Variants in CAD observed in about 807,000 individuals in gnomAD.
The protein encoded by CAD is carbamoyl-phosphate synthetase 2, aspartate transcarbamylase, and dihydroorotase.
Under a neutral mutation model 237.2 loss-of-function variants are expected in CAD, and 81 were observed. That is an observed-to-expected ratio of 0.34 (90% CI 0.29 to 0.41). CAD has a LOEUF of 0.41. Ranked by LOEUF, CAD falls within the 10% of genes least tolerant of loss-of-function variation. CAD has a pLI of 1.00. For synonymous variants in CAD, 1,196 were observed against 1,162.8 expected, an observed-to-expected ratio of 1.03 and a Z score of -0.58; for missense variants, 2,181 against 2,951.7, an observed-to-expected ratio of 0.74 and a Z score of 6.05.
intron 15 of CAD, among the ~76,000 whole-genome samples, chr2:27,231,191 A>G (rs1675734085): frequency 6.6e-6 from 1 of 152,180 alleles, no homozygotes; most frequent in Admixed American, 6.5e-5. Context: ...TATTTTTAGT[A>G]GAGACGGGGT....
At position 27,237,262 on chromosome 2, in the gene CAD, G is replaced by C; in HGVS notation, c.4397-117G>C. Reference sequence around the variant, plus strand: ...TGGTCTCGAACTCCTGATCTCAGGTGATCTGCCCACCTCGGCCTCCCAAAG... The same window carrying C: ...TGGTCTCGAACTCCTGATCTCAGGTCATCTGCCCACCTCGGCCTCCCAAAG... On this transcript the variant is annotated intron_variant, in intron 27 of 43. Coordinates refer to ENST00000264705, the MANE Select transcript of CAD (RefSeq NM_004341.5). The surrounding 1 kb of genome is among the most constrained non-coding windows in gnomAD (Gnocchi z 4.0). 1 of 1,042,662 alleles carries C rather than the reference G, an allele frequency of 9.6e-7. No individual in the cohort carries two copies. The highest frequency in any genetic ancestry group is 1.8e-5 in the Admixed American group (1 of 54,098). 64.6% of individuals were successfully genotyped at this position (1,042,662 alleles called of 1,614,324 possible). A position where few individuals can be genotyped will look rare whatever the true frequency, so the allele number is the denominator to read the frequency against.
Position 27,243,181 on chromosome 2 carries a change from C to T in CAD, c.6481-17C>T. ...TCCTACCCCAAGGCACTAATGGGGA[C>T]CCCATCTGCTTTGCAGTGCTTTGGT... On this transcript the variant is annotated splice_polypyrimidine_tract_variant and intron_variant, in intron 42 of 43. Transcript: ENST00000264705. 1 of 1,612,838 alleles carries T rather than the reference C, an allele frequency of 6.2e-7. No homozygotes were observed. Among genetic ancestry groups the T allele is most frequent in the Non-Finnish European group, 8.5e-7 (1 of 1,178,936 alleles).
chr2:27,239,077 C>A lies in CAD; in HGVS notation c.5098C>A (p.Pro1700Thr). ...HTLEEKCGSR[P>T]PPGFPGLETM... ...CTTGGAGGAGAAGTGTGGGTCCAGG[C>A]CCCCACCTGGGTTCCCAGGGTTAGA... Residue 1700 changes from proline to threonine, a missense_variant, in exon 32 of 44, where the codon CCC (proline) becomes ACC (threonine). Physicochemically the swap from Pro to Thr is conservative, Grantham distance 38. Around this residue, in one of 12 missense-constraint regions of CAD, gnomAD observed 478 missense variants for 515.0 expected, o/e 0.93. Transcript: ENST00000264705. This position sits in a 1 kb window ranked among gnomAD's most constrained non-coding sequence, Gnocchi z 4.0. 1 of 1,593,528 alleles carries A rather than the reference C, an allele frequency of 6.3e-7. No homozygotes were observed. The highest frequency in any genetic ancestry group is 1.1e-5 in the South Asian group (1 of 87,524).
intron 2 of CAD, among the ~76,000 whole-genome samples, chr2:27,220,656 C>CA (rs111297719): frequency 6.7e-3 from 849 of 127,032 alleles, no homozygotes; most frequent in Non-Finnish European, 8.0e-3. Context: ...GACCCTGTCT[C>CA]AAAAAAAAAA....
In CAD at chr2:27,235,253, G is replaced by T; in HGVS notation, c.3795G>T (p.Gln1265His). The change falls in exon 24 of 44, where the codon CAG becomes CAT. Residue 1265 changes from glutamine (Q) to histidine (H), a missense_variant. Coordinates refer to ENST00000264705, the MANE Select transcript of CAD (RefSeq NM_004341.5). This position sits in a 1 kb window ranked among gnomAD's most constrained non-coding sequence, Gnocchi z 5.2. ...CCCTCCCGCCCCTTTAGGTGCCTCA[G>T]TTCTCCTTCTCCCGCTTGGCGGGTG... Reference protein sequence around the residue: ...GSGVVGVKVPQFSFSRLAGAD... With the variant: ...GSGVVGVKVPHFSFSRLAGAD... The T allele has an allele frequency of 1.9e-6, 3 of 1,607,496 alleles. No homozygotes were observed. Among genetic ancestry groups the T allele is most frequent in the Non-Finnish European group, 2.5e-6 (3 of 1,176,756 alleles).
rs773802228 is a variant in CAD, at chr2:27,231,591, C to A, written c.2400+11C>A. The stretch of plus-strand genomic sequence containing the variant: ...CCAGTCAGCGATATGGTAAGTAGCT[C>A]CCCTCCCCTGGCAATACCCCTAAAA... On this transcript the variant is annotated intron_variant, in intron 16 of 43. Coordinates refer to ENST00000264705, the MANE Select transcript of CAD (RefSeq NM_004341.5). 3 of 1,546,702 alleles carry A rather than the reference C, an allele frequency of 1.9e-6. No homozygotes were observed. Among genetic ancestry groups the A allele is most frequent in the East Asian group, 2.2e-5 (1 of 44,564 alleles).
At chr2:27,223,059 A>C (rs200562416) in intron 6 of CAD, 22 bp downstream of exon 6, 529 of 1,611,932 alleles carry the variant, frequency 3.3e-4, no homozygotes, top group Non-Finnish European at 3.1e-4. Flanking sequence ...GGGGAGCAGA[A>C]GGGGCCCATA....
intron 11 of CAD, 56 bp downstream of exon 11, chr2:27,225,299 T>TTTTC: frequency 1.9e-5 from 18 of 970,932 alleles, no homozygotes; most frequent in Non-Finnish European, 2.7e-5. Context: ...GGTAGTGTTA[T>TTTTC]TTTCTTTTTT....
chr2:27,226,482 A>G (rs367868323), intron 13 of CAD, 43 bp from the exon 14 acceptor site: 174 of 1,609,864 alleles, frequency 1.1e-4, no homozygotes, highest in Non-Finnish European at 1.5e-4. Context: ...CCTCTCCTAG[A>G]CAGGGTCTTC....
rs942059036 is a variant in CAD, at chr2:27,223,653, GAC to G, written c.902_903del (p.Thr301ArgfsTer16). 5 of 1,614,140 alleles carry G rather than the reference GAC, an allele frequency of 3.1e-6. No individual in the cohort carries two copies. The highest frequency in any genetic ancestry group is 4.2e-6 in the Non-Finnish European group (5 of 1,180,020). ...CCCAGAACCATGGGTTTGCTGTGGA[GAC>G]AGACTCACTGCCAGCAGACTGGGCT... ...TSQNHGFAVETDSLPADWAPL... is the reference protein window; with the variant it reads ...TSQNHGFAVEXDSLPADWAPL... On this transcript the variant is annotated frameshift_variant, in exon 7 of 44. Coordinates refer to ENST00000264705, the MANE Select transcript of CAD (RefSeq NM_004341.5). LOFTEE classifies it high-confidence loss of function.
In CAD at chr2:27,235,602, C is replaced by G. The variant is rs756696756; in HGVS notation, c.4036C>G (p.Leu1346Val). Residue 1346 changes from leucine to valine, a missense_variant, in exon 25 of 44, where the codon CTC (leucine) becomes GTC (valine). This residue lies in a region of CAD where 306 missense variants were observed against 607.9 expected (regional missense o/e 0.50). Transcript: ENST00000264705. This position sits in a 1 kb window ranked among gnomAD's most constrained non-coding sequence, Gnocchi z 5.2. Reference sequence around the variant, plus strand: ...CCTGGGCTACAGCCTCTATGCCAGTCTCGGCACAGCTGACTTCTACACTGA... The same window carrying G: ...CCTGGGCTACAGCCTCTATGCCAGTGTCGGCACAGCTGACTTCTACACTGA... ...ESLGYSLYASLGTADFYTEHG... is the reference protein window; with the variant it reads ...ESLGYSLYASVGTADFYTEHG... 6.2e-7 allele frequency: 1 copy of G among 1,614,184 alleles called. No individual in the cohort carries two copies. Among genetic ancestry groups the G allele is most frequent in the Non-Finnish European group, 8.5e-7 (1 of 1,180,018 alleles).
chr2:27,229,258 A>G (rs1166254299), intron 15 of CAD, among the ~76,000 whole-genome samples: 2 of 151,838 alleles, frequency 1.3e-5, no homozygotes, highest in African/African-American at 4.8e-5. Flanking sequence ...ATCACAGCCT[A>G]ACTTATAATT....
In CAD at chr2:27,236,688, A is replaced by G; in HGVS notation, c.4315-61A>G. ...AGAGCCTGGTTTATGGGAAAACCACATCTCTCCCTACAACTCCCAGGATCA... is the reference window on the plus strand; with the variant it reads ...AGAGCCTGGTTTATGGGAAAACCACGTCTCTCCCTACAACTCCCAGGATCA... On this transcript the variant is annotated intron_variant, in intron 26 of 43. Transcript: ENST00000264705. The surrounding 1 kb of genome is among the most constrained non-coding windows in gnomAD (Gnocchi z 4.1). The G allele has an allele frequency of 6.4e-7, 1 of 1,571,816 alleles. No homozygotes were observed. Among genetic ancestry groups the G allele is most frequent in the Non-Finnish European group, 8.8e-7 (1 of 1,141,818 alleles).
chr2:27,238,285 C>A, intron 30 of CAD, 98 bp downstream of exon 30: 1 of 1,499,612 alleles, frequency 6.7e-7, no homozygotes, highest in South Asian at 1.2e-5. Context: ...GGAGGAGAGT[C>A]TGGAGACAGC....
chr2:27,240,183 C>T lies in CAD; in HGVS notation c.5497-82C>T. 2.6e-6 allele frequency: 3 copies of T among 1,140,230 alleles called. No homozygotes were observed. Among genetic ancestry groups the T allele is most frequent in the Non-Finnish European group, 3.9e-6 (3 of 774,282 alleles). The allele number at this position is 1,140,230 out of a possible 1,614,324, so 70.6% of individuals were successfully genotyped here. On this transcript the variant is annotated intron_variant, in intron 34 of 43. Transcript: ENST00000264705. The surrounding 1 kb of genome is among the most constrained non-coding windows in gnomAD (Gnocchi z 4.6). ...TTGAACCCAGAAGGTCACGCCACTG[C>T]ACTCCAGCCTGAGCGACAGAACGAG...
In CAD at chr2:27,238,553, G is replaced by T; in HGVS notation, c.4983G>T (p.Arg1661=). The change falls in exon 31 of 44, where the codon CGG becomes CGT. Residue 1661 remains arginine (R), a synonymous_variant. Coordinates refer to ENST00000264705, the MANE Select transcript of CAD (RefSeq NM_004341.5). The stretch of plus-strand genomic sequence containing the variant: ...TGGGGCCTGGGAAGGGGGAGGTCCG[G>T]CCTGAGCTTGGCTCCCGCCAGGATG... ...ERLGPGKGEV[R]PELGSRQDVE... 1 of 1,614,128 alleles carries T rather than the reference G, an allele frequency of 6.2e-7. No homozygotes were observed. The highest frequency in any genetic ancestry group is 1.1e-5 in the South Asian group (1 of 91,072).
Position 27,226,206 on chromosome 2 carries a change from C to G in CAD, c.1918C>G (p.Leu640Val), listed in dbSNP as rs762407492. Reference protein sequence around the residue: ...ESIVVAPSQTLNDREYQLLRQ... With the variant: ...ESIVVAPSQTVNDREYQLLRQ... ...CATAGTGGTGGCCCCTAGCCAGACA[C>G]TGAATGACAGGGAGTATCAGCTCCT... Residue 640 changes from leucine (L) to valine (V), a missense_variant, in exon 13 of 44, where the codon CTG (leucine) becomes GTG (valine). Physicochemically the swap from Leu to Val is conservative, Grantham distance 32. Coordinates refer to ENST00000264705, the MANE Select transcript of CAD (RefSeq NM_004341.5). The G allele has an allele frequency of 1.9e-6, 3 of 1,614,018 alleles. No homozygotes were observed. Among genetic ancestry groups the G allele is most frequent in the Non-Finnish European group, 2.5e-6 (3 of 1,179,974 alleles).
Position 27,236,749 on chromosome 2 carries a change from G to T in CAD, c.4315G>T (p.Ala1439Ser). The T allele has an allele frequency of 6.2e-7, 1 of 1,614,022 alleles. No individual in the cohort carries two copies. Residue 1439 changes from alanine to serine, a missense_variant and splice_region_variant, in exon 27 of 44, where the codon GCC (alanine) becomes TCC (serine). Coordinates refer to ENST00000264705, the MANE Select transcript of CAD (RefSeq NM_004341.5). This position sits in a 1 kb window ranked among gnomAD's most constrained non-coding sequence, Gnocchi z 4.1. ...AAAGCTGACTGCTTTCCACTTGCAG[G>T]CCCTAGGCCAGATCGGGCCAGCCCC... The part of the protein sequence containing the change: ...DIKCTKLFVE[A>S]LGQIGPAPPL...
chr2:27,232,129 A>G lies in CAD; in HGVS notation c.2550A>G (p.Leu850=), dbSNP rs764907930. ...MKRIIAHAQL[L]EQHRGQPLPP... is the part of the protein sequence containing the mutation. Reference sequence around the variant, plus strand: ...GTATCATCGCACATGCCCAGCTGCTAGAACAACACCGTGGACAGCCTTTGC... The same window carrying G: ...GTATCATCGCACATGCCCAGCTGCTGGAACAACACCGTGGACAGCCTTTGC... Residue 850 remains leucine (L), a synonymous_variant, in exon 17 of 44, where the codon CTA becomes CTG. Transcript: ENST00000264705. This position sits in a 1 kb window ranked among gnomAD's most constrained non-coding sequence, Gnocchi z 4.1. 4 of 1,614,144 alleles carry G rather than the reference A, an allele frequency of 2.5e-6. No homozygotes were observed. The South Asian group carries it at 4.4e-5, about 18-fold the overall frequency.
Sources: gnomAD v4.1 joint callset for allele counts (sites outside exome capture counted in the v4.1 genomes callset) on GRCh38, gnomAD v4.1.1 for gene constraint, gnomAD v4.1.1 regional missense constraint, Gnocchi (gnomAD v3.1) non-coding constraint, MANE v1.5 for transcripts, NCBI Gene and HGNC (gene_info 2026-07-23, HGNC 2026-07-21) for gene names.